KIF25: variants seen among roughly 807,000 people sequenced by gnomAD.
KIF25 encodes kinesin family member 25, also known as kinesin-like protein KIF25.
In KIF25, 19 loss-of-function variants were observed where a neutral mutation model predicts 32.9. The observed-to-expected ratio is 0.58, with a 90% CI of 0.40 to 0.85. The LOEUF (loss-of-function observed/expected upper bound fraction) is 0.85, where lower values mean the gene tolerates loss of function less well. Among genes scored for constraint, KIF25 ranks in the 40% least tolerant of loss-of-function variants. The probability of loss-of-function intolerance (pLI) is 0.00; values close to 1 mark genes in which losing one functional copy is unlikely to be tolerated. For synonymous variants in KIF25, 225 were observed against 213.7 expected, an observed-to-expected ratio of 1.05 and a Z score of -0.46; for missense variants, 485 against 507.0, an observed-to-expected ratio of 0.96 and a Z score of 0.42.
rs1018963955 is a variant in KIF25 at position 167,998,032 on chromosome 6, C to T, written c.-1437C>T. Reference sequence around the variant, plus strand: ...TTGAGTGCTTCCTGTGTACCAAGTACTTTTGAAACCATTTGGTGTATTTTC... The same window carrying T: ...TTGAGTGCTTCCTGTGTACCAAGTATTTTTGAAACCATTTGGTGTATTTTC... On this transcript the variant is annotated 5_prime_UTR_variant, in exon 1 of 13. Transcript: ENST00000643607. Among the ~76,000 whole-genome samples the T allele has an allele frequency of 6.6e-6, 1 of 152,164 alleles. No individual in the cohort carries two copies. Among genetic ancestry groups the T allele is most frequent in the Non-Finnish European group, 1.5e-5 (1 of 68,032 alleles).
At chr6:168,036,554 T>C (rs910823785) in intron 8 of KIF25, among the ~76,000 whole-genome samples, 1 of 152,254 alleles carries the variant, frequency 6.6e-6, no homozygotes, top group Non-Finnish European at 1.5e-5. Flanking sequence ...GTTTTCACCA[T>C]TGTCCCTAGA....
intron 7 of KIF25, among the ~76,000 whole-genome samples, chr6:168,033,189 A>G (rs1288403837): frequency 6.6e-6 from 1 of 152,170 alleles, no homozygotes; most frequent in East Asian, 1.9e-4. Context: ...TTCCAATTAC[A>G]AAATACAAAA....
At position 168,018,016 on chromosome 6, in the gene KIF25, T is replaced by C. The variant is rs1798739264; in HGVS notation, c.-119T>C. The C allele has an allele frequency of 6.6e-6, 1 of 152,658 alleles. No homozygotes were observed. The highest frequency in any genetic ancestry group is 2.1e-4 in the South Asian group (1 of 4,838). 9.5% of individuals were successfully genotyped at this position (152,658 alleles called of 1,614,324 possible). On this transcript the variant is annotated 5_prime_UTR_variant, in exon 5 of 13. Coordinates refer to ENST00000643607, the MANE Select transcript of KIF25 (RefSeq NM_030615.4). ...TGTGATCGTCCTGGCCACCCTCTGA[T>C]TGATAAGACATATCATTTTGAAAGG...
chr6:168,005,556 T>C (rs1798568728), intron 4 of KIF25, among the ~76,000 whole-genome samples: 1 of 152,106 alleles, frequency 6.6e-6, no homozygotes, highest in Non-Finnish European at 1.5e-5. Flanking sequence ...AATAGATACA[T>C]ATGTAGAGGA....
At chr6:168,016,240 G>A (rs1374865166) in intron 4 of KIF25, among the ~76,000 whole-genome samples, 1 of 152,212 alleles carries the variant, frequency 6.6e-6, no homozygotes, top group Non-Finnish European at 1.5e-5. Flanking sequence ...CTGAAGAGCT[G>A]CTTCTGGCTT....
At chr6:168,036,222 C>T (rs1799023612) in intron 8 of KIF25, 2 of 160,502 alleles carry the variant, frequency 1.2e-5, no homozygotes, top group Non-Finnish European at 2.7e-5. Context: ...GACTGCTCTC[C>T]GCTGTCATCC....
At chr6:168,035,444 A>AGGCGGGAACGGCGCTGCGGGGTGGG (rs1799005052) in intron 8 of KIF25, among the ~76,000 whole-genome samples, 3 of 17,498 alleles carry the variant, frequency 1.7e-4, no homozygotes, top group African/African-American at 3.3e-4. Flanking sequence ...GCGGCGGAGG[A>AGGCGGGAACGGCGCTGCGGGGTGGG]GGCGGGAACG....
chr6:168,042,827 TCCTGTGTCCTC>T, intron 12 of KIF25, 111 bp downstream of exon 12: 1 of 1,264,220 alleles, frequency 7.9e-7, no homozygotes, highest in Admixed American at 2.2e-5. Flanking sequence ...CCCCTGCACC[TCCTGTGTCCTC>T]GCTGTGGCTA....
At chr6:168,035,655 A>G in intron 8 of KIF25, 1 of 455,102 alleles carries the variant, frequency 2.2e-6, no homozygotes, top group East Asian at 7.0e-5. Flanking sequence ...CCATCGCATT[A>G]CTGGCAAGCG....
At chr6:168,007,708 G>T (rs1350005922) in intron 4 of KIF25, among the ~76,000 whole-genome samples, 4 of 152,134 alleles carry the variant, frequency 2.6e-5, no homozygotes, top group Admixed American at 1.3e-4. Context: ...CGGTGGTCTG[G>T]GTTGTGAATC....
intron 2 of KIF25, among the ~76,000 whole-genome samples, chr6:167,999,787 T>C (rs773614081): frequency 1.3e-5 from 2 of 152,196 alleles, no homozygotes; most frequent in Non-Finnish European, 2.9e-5. Flanking sequence ...ATGGTATTCA[T>C]GGATACAGCA....
chr6:168,025,820 G>A (rs1253484136), intron 5 of KIF25, among the ~76,000 whole-genome samples: 2 of 152,196 alleles, frequency 1.3e-5, no homozygotes, highest in African/African-American at 4.8e-5. Flanking sequence ...TTCCCCACGC[G>A]GCTTACACAC....
intron 7 of KIF25, among the ~76,000 whole-genome samples, chr6:168,033,118 C>T (rs1308910469): frequency 6.6e-6 from 1 of 152,160 alleles, no homozygotes; most frequent in Non-Finnish European, 1.5e-5. Flanking sequence ...GCAGGTGCTA[C>T]GTCACAGAGA....
At position 167,998,616 on chromosome 6, in the gene KIF25, T is replaced by C. The variant is rs1798454614; in HGVS notation, c.-853T>C. The C allele has an allele frequency of 6.6e-6, 1 of 152,200 alleles. No homozygotes were observed. 9.4% of individuals were successfully genotyped at this position (152,200 alleles called of 1,614,324 possible). A position where few individuals can be genotyped will look rare whatever the true frequency, so the allele number is the denominator to read the frequency against. ...TAAATCAAGGAAATATGACAGATAC[T>C]GAATTTCCAAAATCCCCTCTAAAAT... On this transcript the variant is annotated 5_prime_UTR_variant, in exon 1 of 13. Coordinates refer to ENST00000643607, the MANE Select transcript of KIF25 (RefSeq NM_030615.4).
chr6:168,005,228 CCTT>C (rs1192945394), intron 4 of KIF25, among the ~76,000 whole-genome samples: 2 of 152,138 alleles, frequency 1.3e-5, no homozygotes, highest in African/African-American at 2.4e-5. Flanking sequence ...GGGGGGCAAA[CCTT>C]CTCCTCTATC....
intron 8 of KIF25, among the ~76,000 whole-genome samples, chr6:168,034,243 C>T (rs1450708680): frequency 1.3e-5 from 2 of 152,210 alleles, no homozygotes; most frequent in African/African-American, 4.8e-5. Flanking sequence ...GCAATTCCAT[C>T]ATTAAGACTA....
chr6:168,035,310 A>G (rs1314133331), intron 8 of KIF25, among the ~76,000 whole-genome samples: 1 of 151,042 alleles, frequency 6.6e-6, no homozygotes, highest in Admixed American at 6.6e-5. Context: ...GGGCTTAGAG[A>G]TGCACGATGC....
intron 4 of KIF25, among the ~76,000 whole-genome samples, chr6:168,012,576 G>T (rs1429199696): frequency 2.0e-5 from 3 of 152,228 alleles, no homozygotes; most frequent in African/African-American, 7.2e-5. Context: ...GCTCATTGGA[G>T]TTGGAGCCAC....
intron 5 of KIF25, among the ~76,000 whole-genome samples, chr6:168,021,180 A>G (rs1347882232): frequency 6.6e-6 from 1 of 152,230 alleles, no homozygotes; most frequent in Non-Finnish European, 1.5e-5. Flanking sequence ...CAGGCAGCTG[A>G]CTTTAATAGT....
Sources: gnomAD v4.1 joint callset for allele counts (sites outside exome capture counted in the v4.1 genomes callset) on GRCh38, gnomAD v4.1.1 for gene constraint, MANE v1.5 for transcripts, NCBI Gene and HGNC (gene_info 2026-07-23, HGNC 2026-07-21) for gene names.